The following TMEM132E variants were observed in gnomAD, a reference collection of about 807,000 sequenced individuals.
TMEM132E encodes the protein transmembrane protein 132E.
A neutral mutation model predicts 78.5 loss-of-function variants in TMEM132E; 49 were observed. The observed-to-expected ratio is 0.62, with a 90% CI of 0.50 to 0.79. TMEM132E has a LOEUF of 0.79. Among genes scored for constraint, TMEM132E ranks in the 30% least tolerant of loss-of-function variants. The pLI, the probability that TMEM132E is intolerant of heterozygous loss-of-function variation, is 0.00. For synonymous variants in TMEM132E, 715 were observed against 670.6 expected, an observed-to-expected ratio of 1.07 and a Z score of -1.02; for missense variants, 1,403 against 1,470.9, an observed-to-expected ratio of 0.95 and a Z score of 0.75.
intron 1 of TMEM132E, among the ~76,000 whole-genome samples, chr17:34,601,477 G>A (rs369737283): frequency 1.3e-5 from 2 of 152,176 alleles, no homozygotes; most frequent in African/African-American, 4.8e-5. Context: ...GGCTGTCTTT[G>A]TCCCCAAAGT....
intron 1 of TMEM132E, among the ~76,000 whole-genome samples, chr17:34,621,401 C>T (rs1906956220): frequency 6.6e-6 from 1 of 152,112 alleles, no homozygotes; most frequent in Non-Finnish European, 1.5e-5. Flanking sequence ...ATAAGTACAC[C>T]AGTCATATTG....
rs145316342 is a variant in TMEM132E at position 34,622,282 on chromosome 17, C to A, written c.68-3845C>A. Among the ~76,000 whole-genome samples the A allele has an allele frequency of 2.2e-3, 328 of 152,308 alleles. 2 individuals carry two copies. The highest frequency in any genetic ancestry group is 7.6e-3 in the African/African-American group (317 of 41,564). ...GAGGTCCAGAGAGATCAAGCAGGTT[C>A]CTTTAAGCTCCAGAACAAGTGAGTG... On this transcript the variant is annotated intron_variant, in intron 1 of 8. Coordinates refer to ENST00000631683, the MANE Select transcript of TMEM132E (RefSeq NM_001304438.2).
chr17:34,635,160 G>A (rs1034178485), intron 7 of TMEM132E, 73 bp downstream of exon 7: 1 of 1,471,090 alleles, frequency 6.8e-7, no homozygotes, highest in Non-Finnish European at 9.1e-7. Flanking sequence ...GCAGAACTCA[G>A]ATTTTCCTAA....
In TMEM132E at chr17:34,637,759, C is replaced by T. The variant is rs767642834; in HGVS notation, c.2752C>T (p.His918Tyr). The T allele has an allele frequency of 1.2e-6, 2 of 1,613,626 alleles. No individual in the cohort carries two copies. Among genetic ancestry groups the T allele is most frequent in the East Asian group, 2.2e-5 (1 of 44,870 alleles). ...CATCGTTTTTGTGCTGCGCTACCGG[C>T]ACAAGCGCATCCCGCCCGAGGGCCA... ...NCIVFVLRYR[H>Y]KRIPPEGQTS... The change falls in exon 9 of 9, where the codon CAC becomes TAC. Residue 918 changes from histidine to tyrosine, a missense_variant. Physicochemically the swap from His to Tyr is moderately conservative, Grantham distance 83 (BLOSUM62 2). Coordinates refer to ENST00000631683, the MANE Select transcript of TMEM132E (RefSeq NM_001304438.2).
intron 1 of TMEM132E, among the ~76,000 whole-genome samples, chr17:34,613,211 A>ACACAGGCGCG: frequency 1.7e-5 from 2 of 115,856 alleles, no homozygotes; most frequent in Non-Finnish European, 3.7e-5. Flanking sequence ...ACACACACAC[A>ACACAGGCGCG]CGCGCGCGCG....
At position 34,581,099 on chromosome 17, in the gene TMEM132E, G is replaced by T. The variant is rs770620636; in HGVS notation, c.23G>T (p.Arg8Leu). The change falls in exon 1 of 9, where the codon CGC (arginine) becomes CTC (leucine). Residue 8 changes from arginine (R) to leucine (L), a missense_variant. Physicochemically the swap from Arg to Leu is moderately radical, Grantham distance 102. Transcript: ENST00000631683. MAPGMSG[R>L]GGAALLCLSA... Reference sequence around the variant, plus strand: ...GCCATGGCCCCGGGGATGTCGGGCCGCGGCGGCGCCGCCCTGCTCTGCCTC... The same window carrying T: ...GCCATGGCCCCGGGGATGTCGGGCCTCGGCGGCGCCGCCCTGCTCTGCCTC... The T allele has an allele frequency of 5.2e-6, 8 of 1,543,866 alleles. No homozygotes were observed. The Admixed American group carries it at 1.5e-4, about 30-fold the overall frequency.
At chr17:34,631,005 G>C (rs73988748) in intron 5 of TMEM132E, among the ~76,000 whole-genome samples, 7,321 of 152,254 alleles carry the variant, frequency 0.048, 293 homozygotes, top group African/African-American at 0.11. Flanking sequence ...CCTGGTAACT[G>C]TGGGGTGGGC....
In TMEM132E at chr17:34,581,101, G is replaced by T. The variant is rs1396113040; in HGVS notation, c.25G>T (p.Gly9Cys). 7.1e-6 allele frequency: 11 copies of T among 1,541,214 alleles called. No individual in the cohort carries two copies. Among genetic ancestry groups the T allele is most frequent in the Admixed American group, 3.9e-5 (2 of 51,330 alleles). The change falls in exon 1 of 9, where the codon GGC becomes TGC. Residue 9 changes from glycine (G) to cysteine (C), a missense_variant. By Grantham distance (159) the Gly-to-Cys change is radical (BLOSUM62 -3). Transcript: ENST00000631683. The stretch of plus-strand genomic sequence containing the variant: ...CATGGCCCCGGGGATGTCGGGCCGC[G>T]GCGGCGCCGCCCTGCTCTGCCTCTC... MAPGMSGR[G>C]GAALLCLSAL...
intron 1 of TMEM132E, among the ~76,000 whole-genome samples, chr17:34,585,147 G>A (rs547272578): frequency 6.6e-6 from 1 of 152,294 alleles, no homozygotes; most frequent in African/African-American, 2.4e-5. Flanking sequence ...ACATAGCCTT[G>A]TTAATGTTTA....
Position 34,638,238 on chromosome 17 carries a change from C to T in TMEM132E, c.*6C>T. The T allele has an allele frequency of 6.5e-7, 1 of 1,539,766 alleles. No homozygotes were observed. Among genetic ancestry groups the T allele is most frequent in the South Asian group, 1.3e-5 (1 of 78,752 alleles). ...GAATCAAAGAGATTGCATAGAGGCG[C>T]CAGCCGGAGTAGCAGGGACCCCCCC... On this transcript the variant is annotated 3_prime_UTR_variant, in exon 9 of 9. Transcript: ENST00000631683.
chr17:34,616,254 T>C (rs1314704578), intron 1 of TMEM132E, among the ~76,000 whole-genome samples: 2 of 152,114 alleles, frequency 1.3e-5, no homozygotes, highest in Admixed American at 6.5e-5. Flanking sequence ...CCCCTCCTGC[T>C]GGCCCCTCCC....
intron 1 of TMEM132E, among the ~76,000 whole-genome samples, chr17:34,590,684 A>G (rs1009074417): frequency 2.0e-5 from 3 of 152,202 alleles, no homozygotes; most frequent in Admixed American, 1.3e-4. Context: ...CTGTGAAGAA[A>G]TAGCAAGATA....
intron 1 of TMEM132E, among the ~76,000 whole-genome samples, chr17:34,623,834 A>G (rs1245364450): frequency 1.3e-5 from 2 of 152,176 alleles, no homozygotes; most frequent in East Asian, 3.9e-4. Flanking sequence ...CCTCGGGGCC[A>G]GCATTCCCCA....
At chr17:34,625,054 G>C (rs776750673) in intron 1 of TMEM132E, among the ~76,000 whole-genome samples, 64 of 152,290 alleles carry the variant, frequency 4.2e-4, no homozygotes, top group East Asian at 1.7e-3. Context: ...GGGAGTGAGA[G>C]GGGCAACAAT....
chr17:34,583,962 A>G (rs994175331), intron 1 of TMEM132E, among the ~76,000 whole-genome samples: 5 of 152,238 alleles, frequency 3.3e-5, no homozygotes, highest in Non-Finnish European at 7.3e-5. Context: ...AACATCTGTG[A>G]AGGCCACTTT....
chr17:34,634,496 G>A (rs189425139), intron 6 of TMEM132E, among the ~76,000 whole-genome samples: 2 of 152,340 alleles, frequency 1.3e-5, no homozygotes, highest in Admixed American at 6.5e-5. Context: ...CACAAACTTA[G>A]TACTGAAGAA....
rs746119769 is a variant in TMEM132E at position 34,637,656 on chromosome 17, T to A, written c.2649T>A (p.Gly883=). The change falls in exon 9 of 9, where the codon GGT becomes GGA. Residue 883 remains glycine (G), a synonymous_variant. Transcript: ENST00000631683. ...CCGGCTTCCTGCAGGTGCCACGGGGTCTGACAGACCTGGAGATCGGCATGT... is the reference window on the plus strand; with the variant it reads ...CCGGCTTCCTGCAGGTGCCACGGGGACTGACAGACCTGGAGATCGGCATGT... The part of the protein sequence containing the change: ...LPTGFLQVPR[G]LTDLEIGMYA... 29 of 1,608,110 alleles carry A rather than the reference T, an allele frequency of 1.8e-5. No individual in the cohort carries two copies. Among genetic ancestry groups the A allele is most frequent in the Admixed American group, 3.3e-5 (2 of 59,958 alleles).
intron 1 of TMEM132E, among the ~76,000 whole-genome samples, chr17:34,586,499 G>A (rs1361370436): frequency 6.6e-6 from 1 of 151,976 alleles, no homozygotes; most frequent in Non-Finnish European, 1.5e-5. Flanking sequence ...ACTGCCCAGA[G>A]AAAGGGGGGA....
chr17:34,606,435 A>G (rs79368041), intron 1 of TMEM132E, among the ~76,000 whole-genome samples: 2,993 of 152,342 alleles, frequency 0.02, 110 homozygotes, highest in African/African-American at 0.068. Context: ...CAGAACTGGA[A>G]AGGGCCTGAG....
Sources: gnomAD v4.1 joint callset for allele counts (sites outside exome capture counted in the v4.1 genomes callset) on GRCh38, gnomAD v4.1.1 for gene constraint, MANE v1.5 for transcripts, NCBI Gene and HGNC (gene_info 2026-07-23, HGNC 2026-07-21) for gene names.